CACNA1H: variants seen among roughly 807,000 people sequenced by gnomAD.
The protein encoded by CACNA1H is voltage-dependent T-type calcium channel subunit alpha-1H.
A neutral mutation model predicts 192.5 loss-of-function variants in CACNA1H; 149 were observed. The observed-to-expected ratio is 0.77, with a 90% CI of 0.68 to 0.89. The LOEUF is 0.89. CACNA1H is among the 40% of genes least tolerant of loss of function. CACNA1H has a pLI of 0.00. For synonymous variants in CACNA1H, 2,202 were observed against 1,475.2 expected, an observed-to-expected ratio of 1.49 and a Z score of -11.29; for missense variants, 4,257 against 3,423.5, an observed-to-expected ratio of 1.24 and a Z score of -6.08.
chr16:1,212,718 G>A (rs562067726), intron 26 of CACNA1H, among the ~76,000 whole-genome samples, 190 bp downstream of exon 26: 1 of 152,284 alleles, frequency 6.6e-6, no homozygotes, highest in South Asian at 2.1e-4. Context: ...GCACGCGTGC[G>A]GCTCTGCCCG....
chr16:1,185,787 GT>G (rs1965971437), intron 2 of CACNA1H, among the ~76,000 whole-genome samples: 1 of 35,816 alleles, frequency 2.8e-5, no homozygotes, highest in Admixed American at 3.9e-4. Context: ...GAGGCGGGGT[GT>G]GTATGGGGCG....
intron 7 of CACNA1H, 62 bp downstream of exon 7, chr16:1,200,633 C>T (rs1022855888): frequency 2.2e-5 from 35 of 1,593,112 alleles, no homozygotes; most frequent in South Asian, 1.1e-4. Context: ...GTGCAGGACT[C>T]GCCCCCCCCA....
chr16:1,166,740 T>C (rs1596308258), intron 2 of CACNA1H, among the ~76,000 whole-genome samples: 1 of 152,206 alleles, frequency 6.6e-6, no homozygotes, highest in East Asian at 1.9e-4. Flanking sequence ...TGCGGGCCGG[T>C]CGTCCATCCT....
At chr16:1,194,565 G>GTGCC (rs1464949723) in intron 2 of CACNA1H, among the ~76,000 whole-genome samples, 1 of 152,190 alleles carries the variant, frequency 6.6e-6, no homozygotes, top group East Asian at 1.9e-4. Flanking sequence ...GTTGCACAGG[G>GTGCC]TGCCCTGCCT....
At position 1,180,258 on chromosome 16, in the gene CACNA1H, T is replaced by A. The variant is rs963497014; in HGVS notation, c.300-14714T>A. Reference sequence around the variant, plus strand: ...GGGCGTTGCAGGCCGGAGCTGGGTTTTCACACAGATTGAGACCAGGCGTCG... The same window carrying A: ...GGGCGTTGCAGGCCGGAGCTGGGTTATCACACAGATTGAGACCAGGCGTCG... On this transcript the variant is annotated intron_variant, in intron 2 of 34. Coordinates refer to ENST00000348261, the MANE Select transcript of CACNA1H (RefSeq NM_021098.3). This position sits in a 1 kb window ranked among gnomAD's most constrained non-coding sequence, Gnocchi z 4.4. 1.3e-5 allele frequency among the ~76,000 whole-genome samples: 2 copies of A among 152,190 alleles called. No homozygotes were observed. The highest frequency in any genetic ancestry group is 2.9e-5 in the Non-Finnish European group (2 of 68,038).
At chr16:1,216,618 A>G (rs1410872031) in intron 30 of CACNA1H, among the ~76,000 whole-genome samples, 1 of 152,080 alleles carries the variant, frequency 6.6e-6, no homozygotes, top group African/African-American at 2.4e-5. Flanking sequence ...TGCTGGGCAG[A>G]GTGTGGAGTG....
In CACNA1H at chr16:1,153,908, G is replaced by T. The variant is rs539324457; in HGVS notation, c.171G>T (p.Glu57Asp). The T allele has an allele frequency of 9.0e-5, 131 of 1,453,878 alleles. No homozygotes were observed. In the Middle Eastern group the frequency reaches 9.2e-4, roughly 10 times the overall value. The allele number at this position is 1,453,878 out of a possible 1,614,324, so 90.1% of individuals were successfully genotyped here. Reference protein sequence around the residue: ...GVSPSESPAAERGAELGADEE... With the variant: ...GVSPSESPAADRGAELGADEE... ...CACCCTCCGAGAGCCCGGCGGCCGAGCGCGGCGCGGAGCTGGGTGCCGACG... is the reference window on the plus strand; with the variant it reads ...CACCCTCCGAGAGCCCGGCGGCCGATCGCGGCGCGGAGCTGGGTGCCGACG... The change falls in exon 2 of 35, where the codon GAG (glutamate) becomes GAT (aspartate). Residue 57 changes from glutamate (E) to aspartate (D), a missense_variant. Physicochemically the swap from Glu to Asp is conservative, Grantham distance 45. Transcript: ENST00000348261.
chr16:1,207,192 G>A (rs1281258809), intron 13 of CACNA1H, 74 bp downstream of exon 13: 24 of 1,547,248 alleles, frequency 1.6e-5, no homozygotes, highest in Admixed American at 9.6e-5. Context: ...GCCGTCCTGC[G>A]CATCCATAGC....
intron 2 of CACNA1H, among the ~76,000 whole-genome samples, chr16:1,179,983 C>G (rs1340672153): frequency 6.6e-6 from 1 of 152,198 alleles, no homozygotes; most frequent in Non-Finnish European, 1.5e-5. Flanking sequence ...GATCCACCTG[C>G]CTCGGCCTCC....
rs1040565692 is a variant in CACNA1H, at chr16:1,201,957, C to T, written c.1507C>T (p.Arg503Cys). ...TGTGCAAGGCCAGGGTCCCGGGCAC[C>T]GCCAGCGCCGGGCAGGCAGGCACAC... ...SAVQGQGPGH[R>C]QRRAGRHTAS... Residue 503 changes from arginine to cysteine, a missense_variant, in exon 9 of 35, where the codon CGC becomes TGC. Transcript: ENST00000348261. The T allele has an allele frequency of 1.0e-5, 16 of 1,545,644 alleles. No individual in the cohort carries two copies. The highest frequency in any genetic ancestry group is 5.9e-5 in the Admixed American group (3 of 50,894).
chr16:1,207,494 C>G, intron 14 of CACNA1H, 64 bp downstream of exon 14: 1 of 1,532,394 alleles, frequency 6.5e-7, no homozygotes, highest in South Asian at 1.2e-5. Flanking sequence ...GGCTTCAGGT[C>G]GAGGGGAGGG....
intron 25 of CACNA1H, 141 bp from the exon 26 acceptor site, chr16:1,212,370 G>C: frequency 1.9e-6 from 2 of 1,040,898 alleles, no homozygotes; most frequent in African/African-American, 3.2e-5. Flanking sequence ...CAGCGCCCAA[G>C]AGGCAGGTTC....
intron 2 of CACNA1H, among the ~76,000 whole-genome samples, chr16:1,154,623 C>G (rs565203721): frequency 6.6e-6 from 1 of 151,996 alleles, no homozygotes; most frequent in African/African-American, 2.4e-5. Flanking sequence ...AACTCGGTGG[C>G]GGGGCTGACT....
At chr16:1,186,750 A>G (rs982168825) in intron 2 of CACNA1H, among the ~76,000 whole-genome samples, 6 of 152,128 alleles carry the variant, frequency 3.9e-5, no homozygotes, top group African/African-American at 9.7e-5. Context: ...TGGCCGGTGA[A>G]TGTGCCACGG....
chr16:1,204,135 C>T lies in CACNA1H; in HGVS notation c.2128C>T (p.Pro710Ser), dbSNP rs758252920. The T allele has an allele frequency of 3.1e-6, 5 of 1,612,394 alleles. No homozygotes were observed. The highest frequency in any genetic ancestry group is 4.2e-6 in the Non-Finnish European group (5 of 1,179,728). Residue 710 changes from proline to serine, a missense_variant, in exon 10 of 35, where the codon CCG becomes TCG. Physicochemically the swap from Pro to Ser is moderately conservative, Grantham distance 74. Coordinates refer to ENST00000348261, the MANE Select transcript of CACNA1H (RefSeq NM_021098.3). ...CPYCTRALED[P>S]EGELSGSESG... Reference sequence around the variant, plus strand: ...GTACTGCACCCGTGCCCTGGAGGACCCGGAGGGTGAGCTCAGCGGCTCGGA... The same window carrying T: ...GTACTGCACCCGTGCCCTGGAGGACTCGGAGGGTGAGCTCAGCGGCTCGGA...
intron 2 of CACNA1H, among the ~76,000 whole-genome samples, chr16:1,189,235 T>C (rs936901769): frequency 2.0e-5 from 3 of 151,978 alleles, no homozygotes; most frequent in African/African-American, 7.2e-5. Flanking sequence ...ACTGGTTTTC[T>C]TCATGGGTGC....
At chr16:1,193,727 G>A (rs1452435366) in intron 2 of CACNA1H, among the ~76,000 whole-genome samples, 1 of 152,198 alleles carries the variant, frequency 6.6e-6, no homozygotes, top group African/African-American at 2.4e-5. Context: ...TTGGTGGCCT[G>A]GAGCCGTGGC....
chr16:1,161,956 C>T (rs1015363339), intron 2 of CACNA1H, among the ~76,000 whole-genome samples: 3 of 152,188 alleles, frequency 2.0e-5, no homozygotes, highest in East Asian at 1.9e-4. Flanking sequence ...AGAGCCATCA[C>T]GGTGGGTCAG....
At chr16:1,191,424 C>T (rs1775541) in intron 2 of CACNA1H, among the ~76,000 whole-genome samples, 744 of 70,866 alleles carry the variant, frequency 0.01, 24 homozygotes, top group African/African-American at 0.047. Context: ...GCTGGCCTGG[C>T]TGTGTGGCCT....
Sources: gnomAD v4.1 joint callset for allele counts (sites outside exome capture counted in the v4.1 genomes callset) on GRCh38, gnomAD v4.1.1 for gene constraint, Gnocchi (gnomAD v3.1) non-coding constraint, MANE v1.5 for transcripts, NCBI Gene and HGNC (gene_info 2026-07-23, HGNC 2026-07-21) for gene names.